Variants in KDM3B observed in about 807,000 individuals in gnomAD.
KDM3B encodes lysine demethylase 3B.
Under a neutral mutation model 170.0 loss-of-function variants are expected in KDM3B, and 10 were observed. The observed-to-expected ratio is 0.06, with a 90% CI of 0.04 to 0.10. The LOEUF is 0.10. Among genes scored for constraint, KDM3B ranks in the 10% least tolerant of loss-of-function variants. The pLI, the probability that KDM3B is intolerant of heterozygous loss-of-function variation, is 1.00. For missense variants in KDM3B, 1,394 were observed against 2,195.2 expected, an observed-to-expected ratio of 0.64 and a Z score of 7.29; for synonymous variants, 831 against 834.8, an observed-to-expected ratio of 1.00 and a Z score of 0.08.
At chr5:138,422,326 A>G (rs944201221) in intron 15 of KDM3B, among the ~76,000 whole-genome samples, 1 of 152,164 alleles carries the variant, frequency 6.6e-6, no homozygotes, top group African/African-American at 2.4e-5. Flanking sequence ...ATGAATTCAT[A>G]AGGTACAATA....
chr5:138,436,773 C>T lies in KDM3B; in HGVS notation c.*1073C>T, dbSNP rs1258909051. On this transcript the variant is annotated 3_prime_UTR_variant, in exon 24 of 24. Coordinates refer to ENST00000314358, the MANE Select transcript of KDM3B (RefSeq NM_016604.4). ...AAATATTTTCAGCAAAACTTTCCAA[C>T]TGAGTGGAGTCTGATTAAGGATTTA... is the stretch of plus-strand genomic sequence containing the variant. 6.6e-6 allele frequency: 1 copy of T among 152,122 alleles called. No homozygotes were observed. The highest frequency in any genetic ancestry group is 1.5e-5 in the Non-Finnish European group (1 of 68,036). The allele number at this position is 152,122 out of a possible 1,614,324, so 9.4% of individuals were successfully genotyped here.
intron 11 of KDM3B, among the ~76,000 whole-genome samples, chr5:138,410,147 C>T (rs1762925539): frequency 6.6e-6 from 1 of 152,134 alleles, no homozygotes; most frequent in Admixed American, 6.6e-5. Flanking sequence ...GACGTCACTT[C>T]TTCTAAATTG....
intron 1 of KDM3B, among the ~76,000 whole-genome samples, chr5:138,355,126 A>G (rs1408266335): frequency 6.6e-6 from 1 of 152,186 alleles, no homozygotes; most frequent in Non-Finnish European, 1.5e-5. Context: ...TCCCGTACTC[A>G]AGGGTGGAGT....
intron 3 of KDM3B, among the ~76,000 whole-genome samples, chr5:138,377,341 G>A (rs1762023856): frequency 6.6e-6 from 1 of 152,298 alleles, no homozygotes; most frequent in South Asian, 2.1e-4. Flanking sequence ...ATTGTATGTA[G>A]AAAGATACAT....
chr5:138,414,772 A>C (rs984942787), intron 11 of KDM3B, among the ~76,000 whole-genome samples: 3 of 152,160 alleles, frequency 2.0e-5, no homozygotes, highest in Non-Finnish European at 4.4e-5. Context: ...CCTGGGCAAC[A>C]TGGCGAAACT....
At chr5:138,387,990 AG>A (rs2126944979) in intron 7 of KDM3B, among the ~76,000 whole-genome samples, 1 of 151,892 alleles carries the variant, frequency 6.6e-6, no homozygotes, top group South Asian at 2.1e-4. Flanking sequence ...CTGAGGCAGG[AG>A]GATGGCGTGA....
intron 23 of KDM3B, 96 bp downstream of exon 23, chr5:138,431,655 G>GA: frequency 8.7e-7 from 1 of 1,155,552 alleles, no homozygotes; most frequent in Non-Finnish European, 1.2e-6. Context: ...GGTATTCTCC[G>GA]AAGGTCTAAT....
At chr5:138,376,627 C>T (rs994000551) in intron 3 of KDM3B, among the ~76,000 whole-genome samples, 1 of 151,390 alleles carries the variant, frequency 6.6e-6, no homozygotes, top group Non-Finnish European at 1.5e-5. Context: ...TGGCGTGAAC[C>T]TGGGAGGCAG....
intron 23 of KDM3B, among the ~76,000 whole-genome samples, chr5:138,434,183 G>A (rs962957961): frequency 6.6e-6 from 1 of 152,136 alleles, no homozygotes; most frequent in South Asian, 2.1e-4. Flanking sequence ...TTGAGCCCAG[G>A]AGTTTTGAAG....
In KDM3B at chr5:138,420,839, C is replaced by G; in HGVS notation, c.3849C>G (p.Ala1283=). The change falls in exon 15 of 24, where the codon GCC becomes GCG. Residue 1283 remains alanine (A), a synonymous_variant. Coordinates refer to ENST00000314358, the MANE Select transcript of KDM3B (RefSeq NM_016604.4). ...LFNSLLLGPT[A]SNNKTEGSSL... Reference sequence around the variant, plus strand: ...ACAGTCTGTTGCTGGGTCCCACTGCCTCCAACAACAAAACCGAAGGGTCTA... The same window carrying G: ...ACAGTCTGTTGCTGGGTCCCACTGCGTCCAACAACAAAACCGAAGGGTCTA... 1 of 1,614,184 alleles carries G rather than the reference C, an allele frequency of 6.2e-7. No individual in the cohort carries two copies. The highest frequency in any genetic ancestry group is 1.3e-5 in the African/African-American group (1 of 75,054).
intron 3 of KDM3B, among the ~76,000 whole-genome samples, chr5:138,376,102 A>G (rs1761992946): frequency 6.6e-6 from 1 of 151,946 alleles, no homozygotes; most frequent in African/African-American, 2.4e-5. Flanking sequence ...TCAGCCTCCC[A>G]ACTAGCTTGG....
At chr5:138,385,581 T>A (rs1002708877) in intron 6 of KDM3B, among the ~76,000 whole-genome samples, 1 of 152,246 alleles carries the variant, frequency 6.6e-6, no homozygotes, top group East Asian at 1.9e-4. Context: ...GTTTAGTGAC[T>A]TCTGGTTAGA....
intron 11 of KDM3B, among the ~76,000 whole-genome samples, chr5:138,404,870 A>G (rs1171196610): frequency 1.3e-4 from 20 of 149,708 alleles, no homozygotes; most frequent in Admixed American, 1.3e-3. Context: ...GATTACAGGC[A>G]TGTGCCACCA....
At chr5:138,357,604 C>T (rs1755434366) in intron 1 of KDM3B, among the ~76,000 whole-genome samples, 2 of 152,202 alleles carry the variant, frequency 1.3e-5, no homozygotes, top group Admixed American at 1.3e-4. Flanking sequence ...AAGCAATCTG[C>T]CTGACTTGGC....
At chr5:138,427,499 C>G (rs977893141) in intron 19 of KDM3B, among the ~76,000 whole-genome samples, 180 bp downstream of exon 19, 1 of 152,206 alleles carries the variant, frequency 6.6e-6, no homozygotes, top group African/African-American at 2.4e-5. Context: ...TTCATAACAT[C>G]CATGTGGGCC....
Position 138,394,974 on chromosome 5 carries a change from A to G in KDM3B, c.2831+1602A>G, listed in dbSNP as rs368485639. ...GAATTAGATGTGAAGTATGAAAGAA[A>G]GGACTTAAGGATGATTCTATGTCTG... On this transcript the variant is annotated intron_variant, in intron 9 of 23. Transcript: ENST00000314358. Among the ~76,000 whole-genome samples the G allele has an allele frequency of 5.3e-5, 8 of 152,326 alleles. No individual in the cohort carries two copies. In the South Asian group the frequency reaches 1.0e-3, roughly 20 times the overall value.
intron 1 of KDM3B, among the ~76,000 whole-genome samples, chr5:138,363,914 C>CTTT (rs11409334): frequency 1.5e-5 from 2 of 133,906 alleles, no homozygotes; most frequent in African/African-American, 2.8e-5. Context: ...TTTAGTTTTT[C>CTTT]TTTTTTTTTT....
chr5:138,396,117 T>G lies in KDM3B; in HGVS notation c.2832-2061T>G, dbSNP rs1236793964. Among the ~76,000 whole-genome samples, 7 of 151,582 alleles carry G rather than the reference T, an allele frequency of 4.6e-5. No individual in the cohort carries two copies. The East Asian group carries it at 1.4e-3, about 30-fold the overall frequency. ...TGAGTATAGACAACTCTTCTTTTTT[T>G]TTAGATGGAGTCTTGCTGCCCAGGC... is the stretch of plus-strand genomic sequence containing the variant. On this transcript the variant is annotated intron_variant, in intron 9 of 23. Coordinates refer to ENST00000314358, the MANE Select transcript of KDM3B (RefSeq NM_016604.4).
At position 138,426,998 on chromosome 5, in the gene KDM3B, C is replaced by A; in HGVS notation, c.4435C>A (p.Gln1479Lys). 1.2e-6 allele frequency: 2 copies of A among 1,614,032 alleles called. No homozygotes were observed. Among genetic ancestry groups the A allele is most frequent in the South Asian group, 1.1e-5 (1 of 91,080 alleles). ...ICKRLRSEDG[Q>K]PMVLKLKDWP... is the part of the protein sequence containing the mutation. ...AGAACGACTACGGTCAGAAGATGGG[C>A]AGCCAATGGTGCTCAAACTCAAGGA... Residue 1479 changes from glutamine (Q) to lysine (K), a missense_variant, in exon 18 of 24, where the codon CAG becomes AAG. This residue lies in a region of KDM3B where 66 missense variants were observed against 178.8 expected (regional missense o/e 0.37). Transcript: ENST00000314358.
Sources: allele counts gnomAD v4.1 joint callset (sites outside exome capture counted in the v4.1 genomes callset), GRCh38; gene constraint gnomAD v4.1.1; regional missense constraint gnomAD v4.1.1; transcripts MANE v1.5; gene names NCBI Gene and HGNC (gene_info 2026-07-23, HGNC 2026-07-21).